Variants in DNAAF11 observed in about 807,000 individuals in gnomAD.
DNAAF11 encodes dynein axonemal assembly factor 11, also known as leucine rich repeat containing 6.
In DNAAF11, 45 loss-of-function variants were observed where a neutral mutation model predicts 60.8. The observed-to-expected ratio is 0.74, with a 90% CI of 0.58 to 0.95. The LOEUF is 0.95. Ranked by LOEUF, DNAAF11 falls within the 40% of genes least tolerant of loss-of-function variation. The pLI, the probability that DNAAF11 is intolerant of heterozygous loss-of-function variation, is 0.00. For synonymous variants in DNAAF11, 191 were observed against 183.5 expected (o/e 1.04, Z -0.33); for missense variants, 546 against 546.2 (o/e 1.00, Z 0.00).
At chr8:132,674,223 AAGG>A (rs201424044) in intron 1 of DNAAF11, among the ~76,000 whole-genome samples, 2 of 147,376 alleles carry the variant, frequency 1.4e-5, no homozygotes, top group African/African-American at 2.5e-5. Flanking sequence ...GGAGGAGGAG[AAGG>A]AGAAGAAGAA....
intron 3 of DNAAF11, among the ~76,000 whole-genome samples, chr8:132,648,672 A>C (rs200016044): frequency 3.0e-4 from 45 of 152,282 alleles, no homozygotes; most frequent in Admixed American, 1.4e-3. Flanking sequence ...TGTCAGGATA[A>C]AAAATCAATG....
At chr8:132,655,584 G>C (rs1416071886) in intron 3 of DNAAF11, among the ~76,000 whole-genome samples, 1 of 152,096 alleles carries the variant, frequency 6.6e-6, no homozygotes, top group African/African-American at 2.4e-5. Context: ...CTAGCATCTA[G>C]AATATATAAA....
intron 8 of DNAAF11, 53 bp downstream of exon 8, chr8:132,614,985 A>C: frequency 8.5e-7 from 1 of 1,172,460 alleles, no homozygotes; most frequent in Non-Finnish European, 1.2e-6. Flanking sequence ...ATTACTACTG[A>C]GAATGAAAAC....
rs1322931559 is a variant in DNAAF11, at chr8:132,638,821, T to C, written c.257-714A>G. On this transcript the variant is annotated intron_variant, in intron 3 of 11. Coordinates refer to ENST00000620350, the MANE Select transcript of DNAAF11 (RefSeq NM_012472.6). Reference sequence around the variant, plus strand: ...ATGCTATAGAAACTTGAATGGAATCTAAATTTGAATTTGAATTAATCCCCT... The same window carrying C: ...ATGCTATAGAAACTTGAATGGAATCCAAATTTGAATTTGAATTAATCCCCT... 2.6e-5 allele frequency among the ~76,000 whole-genome samples: 4 copies of C among 152,254 alleles called. No individual in the cohort carries two copies. In the East Asian group the frequency reaches 7.7e-4, roughly 29 times the overall value.
At chr8:132,683,747 G>A in the DNAAF11 span, among the ~76,000 whole-genome samples, 939 of 152,286 alleles carry the variant, frequency 6.2e-3, 15 homozygotes, top group African/African-American at 0.022. Context: ...AATTTGCCAT[G>A]TTTGGTACCC....
intron 10 of DNAAF11, among the ~76,000 whole-genome samples, chr8:132,586,296 TGGAAATGCTCTGTGCTATCCAACAC>T (rs1403359019): frequency 6.6e-6 from 1 of 152,228 alleles, no homozygotes; most frequent in Non-Finnish European, 1.5e-5. Context: ...ATAGGTCTGG[TGGAAATGCTCTGTGCTATCCAACAC>T]AATAGCTACC....
intron 3 of DNAAF11, among the ~76,000 whole-genome samples, chr8:132,654,868 TAG>T (rs1823391637): frequency 6.6e-6 from 1 of 151,302 alleles, no homozygotes; most frequent in South Asian, 2.1e-4. Context: ...CTTAAGAAAC[TAG>T]AAAAAAGAGA....
At chr8:132,624,355 G>A (rs989578973) in intron 6 of DNAAF11, among the ~76,000 whole-genome samples, 1 of 152,114 alleles carries the variant, frequency 6.6e-6, no homozygotes, top group Non-Finnish European at 1.5e-5. Context: ...GGGTAATAGT[G>A]GAGTCAAGAC....
chr8:132,574,476 C>G (rs569646069), intron 11 of DNAAF11, among the ~76,000 whole-genome samples: 1 of 152,202 alleles, frequency 6.6e-6, no homozygotes, highest in Non-Finnish European at 1.5e-5. Flanking sequence ...CATTGAATCT[C>G]TAATGAGCTT....
chr8:132,605,974 C>G (rs1302738482), intron 10 of DNAAF11, among the ~76,000 whole-genome samples: 1 of 152,122 alleles, frequency 6.6e-6, no homozygotes, highest in South Asian at 2.1e-4. Context: ...TCAGGGGACT[C>G]TGCCTTTAAC....
At chr8:132,573,091 C>CAGATAT (rs748153592) in intron 11 of DNAAF11, among the ~76,000 whole-genome samples, 7 of 151,960 alleles carry the variant, frequency 4.6e-5, no homozygotes, top group South Asian at 2.1e-4. Flanking sequence ...ATATCATGGT[C>CAGATAT]AGATATAGAT....
chr8:132,698,048 G>C, the DNAAF11 span, among the ~76,000 whole-genome samples: 2 of 152,298 alleles, frequency 1.3e-5, no homozygotes, highest in African/African-American at 4.8e-5. Context: ...TCCTGGACTT[G>C]GAGGCAGACC....
At chr8:132,617,324 CT>C (rs1819269806) in intron 7 of DNAAF11, among the ~76,000 whole-genome samples, 1 of 152,028 alleles carries the variant, frequency 6.6e-6, no homozygotes, top group Non-Finnish European at 1.5e-5. Context: ...TCTGTCAAAG[CT>C]TAGGAAGATG....
chr8:132,641,822 C>T (rs1315932540), intron 3 of DNAAF11, among the ~76,000 whole-genome samples: 8 of 152,032 alleles, frequency 5.3e-5, no homozygotes, highest in Admixed American at 5.2e-4. Context: ...AATGGTTAAG[C>T]AAACTCTAAT....
chr8:132,608,252 C>T (rs946115373), intron 10 of DNAAF11, among the ~76,000 whole-genome samples: 2 of 152,032 alleles, frequency 1.3e-5, no homozygotes, highest in African/African-American at 4.8e-5. Flanking sequence ...AGAACTTATA[C>T]ATCAATATTA....
chr8:132,598,594 T>TGA (rs1817263213), intron 10 of DNAAF11, among the ~76,000 whole-genome samples: 1 of 152,222 alleles, frequency 6.6e-6, no homozygotes, highest in Non-Finnish European at 1.5e-5. Flanking sequence ...TCTCCCAGAC[T>TGA]GAAGGTATAT....
intron 10 of DNAAF11, among the ~76,000 whole-genome samples, chr8:132,588,017 C>A (rs1324461697): frequency 6.6e-6 from 1 of 152,078 alleles, no homozygotes; most frequent in Non-Finnish European, 1.5e-5. Context: ...TTACTCATAC[C>A]AAGAAACATA....
chr8:132,634,358 A>T (rs1821088028), intron 4 of DNAAF11, among the ~76,000 whole-genome samples: 1 of 152,174 alleles, frequency 6.6e-6, no homozygotes, highest in African/African-American at 2.4e-5. Flanking sequence ...CATAATGGAG[A>T]TATTGAGAGA....
At chr8:132,652,324 T>C (rs1429067855) in intron 3 of DNAAF11, among the ~76,000 whole-genome samples, 1 of 152,196 alleles carries the variant, frequency 6.6e-6, no homozygotes, top group African/African-American at 2.4e-5. Flanking sequence ...ACCAAATCCT[T>C]TGTGACTGTA....
Sources: allele counts gnomAD v4.1 joint callset (sites outside exome capture counted in the v4.1 genomes callset), GRCh38; gene constraint gnomAD v4.1.1; transcripts MANE v1.5; gene names NCBI Gene and HGNC (gene_info 2026-07-23, HGNC 2026-07-21).